AFF3: variants seen among roughly 807,000 people sequenced by gnomAD.
The protein encoded by AFF3 is AF4/FMR2 family member 3.
Under a neutral mutation model 129.7 loss-of-function variants are expected in AFF3, and 32 were observed. That is an observed-to-expected ratio of 0.25 (90% CI 0.19 to 0.33). The LOEUF is 0.33. AFF3 is among the 10% of genes least tolerant of loss of function. AFF3 has a pLI of 1.00. For missense variants in AFF3, 1,373 were observed against 1,592.0 expected (o/e 0.86, Z 2.34); for synonymous variants, 644 against 635.4 (o/e 1.01, Z -0.20).
chr2:99,670,899 C>T (rs72968233), intron 12 of AFF3, among the ~76,000 whole-genome samples: 9,024 of 152,038 alleles, frequency 0.059, 875 homozygotes, highest in African/African-American at 0.2. Flanking sequence ...ATTCATAACA[C>T]AATATTATCA....
At chr2:99,699,885 G>A (rs77882139) in intron 11 of AFF3, among the ~76,000 whole-genome samples, 3,537 of 152,284 alleles carry the variant, frequency 0.023, 123 homozygotes, top group African/African-American at 0.079. Flanking sequence ...CTAACCAATC[G>A]CATTCTGTGG....
intron 11 of AFF3, among the ~76,000 whole-genome samples, chr2:99,685,603 C>T (rs1431135757): frequency 6.6e-6 from 1 of 152,136 alleles, no homozygotes; most frequent in Non-Finnish European, 1.5e-5. Flanking sequence ...ACTGCAGAAT[C>T]AAGTCCTTTG....
chr2:100,063,252 C>CAAAAAAAA (rs33964775), intron 4 of AFF3, among the ~76,000 whole-genome samples: 1 of 101,810 alleles, frequency 9.8e-6, no homozygotes, highest in Non-Finnish European at 1.9e-5. Flanking sequence ...AACTCCATCT[C>CAAAAAAAA]AAAAAAAAAA....
At chr2:99,987,063 C>T (rs1679939269) in intron 7 of AFF3, among the ~76,000 whole-genome samples, 1 of 152,166 alleles carries the variant, frequency 6.6e-6, no homozygotes, top group South Asian at 2.1e-4. Flanking sequence ...TTCCCAGCTG[C>T]ACTTCTCAAT....
intron 8 of AFF3, among the ~76,000 whole-genome samples, chr2:99,780,839 C>T (rs1250605877): frequency 6.6e-6 from 1 of 152,128 alleles, no homozygotes; most frequent in Non-Finnish European, 1.5e-5. Context: ...TCCAAGGCTG[C>T]CCACCTTAGT....
At chr2:100,073,295 G>A (rs1345456249) in intron 4 of AFF3, among the ~76,000 whole-genome samples, 2 of 152,254 alleles carry the variant, frequency 1.3e-5, no homozygotes, top group African/African-American at 4.8e-5. Context: ...CGTGGACACA[G>A]GCATGCACAC....
intron 2 of AFF3, chr2:100,107,293 A>C (rs1691344822): frequency 1.0e-6 from 1 of 985,202 alleles, no homozygotes; most frequent in Non-Finnish European, 1.2e-6. Flanking sequence ...GATCTTTATT[A>C]TTTATCTGGT....
At chr2:99,577,168 T>C (rs761798839) in intron 18 of AFF3, among the ~76,000 whole-genome samples, 1 of 152,206 alleles carries the variant, frequency 6.6e-6, no homozygotes, top group Non-Finnish European at 1.5e-5. Context: ...TGTGCCCTAA[T>C]TAGCTTACAG....
At chr2:99,758,588 A>C (rs1239052613) in intron 8 of AFF3, among the ~76,000 whole-genome samples, 1 of 150,382 alleles carries the variant, frequency 6.6e-6, no homozygotes, top group African/African-American at 2.5e-5. Context: ...TCCATCTCAA[A>C]AAAAAAAAAA....
intron 4 of AFF3, among the ~76,000 whole-genome samples, chr2:100,052,737 T>C (rs1686445634): frequency 6.6e-6 from 1 of 152,122 alleles, no homozygotes; most frequent in Non-Finnish European, 1.5e-5. Flanking sequence ...TATCTGTATG[T>C]CCAGATAGAA....
At chr2:99,715,509 T>G (rs889728242) in intron 11 of AFF3, among the ~76,000 whole-genome samples, 2 of 152,206 alleles carry the variant, frequency 1.3e-5, no homozygotes, top group African/African-American at 4.8e-5. Flanking sequence ...TCTGAGCTTA[T>G]AACAGTTATA....
chr2:99,708,720 T>G (rs1045905189), intron 11 of AFF3, among the ~76,000 whole-genome samples: 3 of 152,200 alleles, frequency 2.0e-5, no homozygotes, highest in African/African-American at 7.2e-5. Flanking sequence ...TTGGGCATTT[T>G]GAAAGGGCAG....
intron 7 of AFF3, among the ~76,000 whole-genome samples, chr2:99,975,563 T>C (rs1053814617): frequency 1.6e-4 from 25 of 151,728 alleles, no homozygotes; most frequent in Admixed American, 4.6e-4. Flanking sequence ...GTTTAGAAAA[T>C]CTGGATCTTG....
intron 7 of AFF3, among the ~76,000 whole-genome samples, chr2:99,996,699 T>A (rs751921644): frequency 6.6e-6 from 1 of 152,026 alleles, no homozygotes; most frequent in Non-Finnish European, 1.5e-5. Context: ...GTTCTTAATG[T>A]TATCTAAATT....
chr2:99,896,620 CTTTTTTTTTTTTTTTTT>C (rs35573862), intron 7 of AFF3, among the ~76,000 whole-genome samples: 23 of 36,094 alleles, frequency 6.4e-4, no homozygotes, highest in South Asian at 3.3e-3. Flanking sequence ...TGTCAAAATG[CTTTTTTTTTTTTTTTTT>C]TTTTTTTTTT....
intron 7 of AFF3, among the ~76,000 whole-genome samples, chr2:99,947,232 G>A (rs904623832): frequency 1.3e-5 from 2 of 152,108 alleles, no homozygotes; most frequent in Admixed American, 6.5e-5. Flanking sequence ...CTTGAGGTCA[G>A]GAGTTCGAGA....
At chr2:100,122,210 T>G (rs1297415847) in intron 2 of AFF3, among the ~76,000 whole-genome samples, 1 of 152,278 alleles carries the variant, frequency 6.6e-6, no homozygotes, top group East Asian at 1.9e-4. Context: ...ACAACTTACA[T>G]CATTCTACAG....
chr2:99,864,252 C>T (rs1691211939), intron 7 of AFF3, among the ~76,000 whole-genome samples: 1 of 152,164 alleles, frequency 6.6e-6, no homozygotes, highest in African/African-American at 2.4e-5. Flanking sequence ...TCACCTTTAC[C>T]AAAGGTGTCT....
chr2:99,827,320 C>T (rs558808293), intron 8 of AFF3, among the ~76,000 whole-genome samples: 27 of 152,008 alleles, frequency 1.8e-4, no homozygotes, highest in Admixed American at 1.0e-3. Flanking sequence ...GACAGGTCCA[C>T]GTAGGAGACC....
Sources: gnomAD v4.1 joint callset for allele counts (sites outside exome capture counted in the v4.1 genomes callset) on GRCh38, gnomAD v4.1.1 for gene constraint, MANE v1.5 for transcripts, NCBI Gene and HGNC (gene_info 2026-07-23, HGNC 2026-07-21) for gene names.